USP33: variants seen among roughly 807,000 people sequenced by gnomAD.
USP33 encodes ubiquitin specific peptidase 33.
A neutral mutation model predicts 124.2 loss-of-function variants in USP33; 46 were observed. The ratio of observed to expected loss-of-function variants is 0.37; its 90% confidence interval spans 0.29 to 0.47. USP33 has a LOEUF of 0.47. USP33 is among the 20% of genes least tolerant of loss of function. The pLI is 0.99. For synonymous variants in USP33, 350 were observed against 352.3 expected (o/e 0.99, Z 0.07); for missense variants, 851 against 1,070.6 (o/e 0.79, Z 2.86).
chr1:77,737,638 GA>G (rs1252210751), intron 5 of USP33, among the ~76,000 whole-genome samples: 14 of 152,290 alleles, frequency 9.2e-5, no homozygotes, highest in African/African-American at 2.9e-4. Context: ...GAAGTTGAAT[GA>G]AATTAAGTTT....
At chr1:77,703,549 G>A (rs1324788067) in intron 21 of USP33, among the ~76,000 whole-genome samples, 4 of 152,100 alleles carry the variant, frequency 2.6e-5, no homozygotes, top group African/African-American at 4.8e-5. Flanking sequence ...ACTTGAACCC[G>A]GGACGAGAAG....
chr1:77,698,531 G>A (rs376917431), intron 22 of USP33, among the ~76,000 whole-genome samples: 13 of 139,366 alleles, frequency 9.3e-5, no homozygotes, highest in African/African-American at 2.7e-4. Flanking sequence ...ACGGAGTCTC[G>A]CTCTGTTGCC....
intron 20 of USP33, among the ~76,000 whole-genome samples, chr1:77,712,413 A>T (rs1675361364): frequency 6.6e-6 from 1 of 152,138 alleles, no homozygotes; most frequent in Non-Finnish European, 1.5e-5. Flanking sequence ...AATCCCAGGT[A>T]CTTGGGAGGG....
chr1:77,696,173 C>T lies in USP33; in HGVS notation c.*1144G>A, dbSNP rs1673428288. On this transcript the variant is annotated 3_prime_UTR_variant, in exon 24 of 24. Transcript: ENST00000370794. ...TTACATAATCAAGCAAATAGCAGTG[C>T]ATACTATATTATTCAAAAAGACTTT... 6.6e-6 allele frequency: 1 copy of T among 152,168 alleles called. No individual in the cohort carries two copies. The highest frequency in any genetic ancestry group is 2.4e-5 in the African/African-American group (1 of 41,432). 9.4% of individuals were successfully genotyped at this position (152,168 alleles called of 1,614,324 possible).
chr1:77,705,076 T>G (rs1674461068), intron 21 of USP33, among the ~76,000 whole-genome samples: 1 of 148,162 alleles, frequency 6.7e-6, no homozygotes, highest in South Asian at 2.3e-4. Flanking sequence ...GCACCTATTT[T>G]TATATTCCAG....
At chr1:77,750,568 G>C (rs757466355) in intron 1 of USP33, among the ~76,000 whole-genome samples, 1 of 150,618 alleles carries the variant, frequency 6.6e-6, no homozygotes, top group Non-Finnish European at 1.5e-5. Context: ...GTTGCAGTGA[G>C]CCAAGATTGC....
chr1:77,727,411 T>TTG (rs1180926998), intron 10 of USP33, among the ~76,000 whole-genome samples: 1 of 152,226 alleles, frequency 6.6e-6, no homozygotes, highest in African/African-American at 2.4e-5. Flanking sequence ...AGTCTTTCAA[T>TTG]ACTGATACCT....
rs1553201896 is a variant in USP33, at chr1:77,750,663, A to AGAAAGAAAG, written c.-51-8924_-51-8916dup. Among the ~76,000 whole-genome samples the AGAAAGAAAG allele has an allele frequency of 3.9e-3, 591 of 150,280 alleles. 3 individuals carry two copies. Among genetic ancestry groups the AGAAAGAAAG allele is most frequent in the East Asian group, 0.017 (83 of 5,004 alleles). On this transcript the variant is annotated intron_variant, in intron 1 of 23. Coordinates refer to ENST00000370794, the MANE Select transcript of USP33 (RefSeq NM_201624.3). ...AAGAAAGAAAGAAAGAAAGAAAGAA[A>AGAAAGAAAG]GAAAGAAAGAAAGAAAGAAAGAAAA... is the stretch of plus-strand genomic sequence containing the variant.
intron 21 of USP33, among the ~76,000 whole-genome samples, chr1:77,709,858 C>G (rs933393843): frequency 6.8e-6 from 1 of 147,472 alleles, no homozygotes; most frequent in African/African-American, 2.5e-5. Flanking sequence ...TAAGAAATAT[C>G]AAGTTTCTAT....
chr1:77,696,998 C>T lies in USP33; in HGVS notation c.*319G>A. The T allele has an allele frequency of 6.1e-6, 1 of 165,030 alleles. No individual in the cohort carries two copies. Among genetic ancestry groups the T allele is most frequent in the Non-Finnish European group, 1.3e-5 (1 of 76,922 alleles). 10.2% of individuals were successfully genotyped at this position (165,030 alleles called of 1,614,324 possible). On this transcript the variant is annotated 3_prime_UTR_variant, in exon 24 of 24. Transcript: ENST00000370794. ...TCGAGAGGCTGAGGCAGGAGAATCGCTTGAACCCAGGAGGTGGAGGCTGCA... is the reference window on the plus strand; with the variant it reads ...TCGAGAGGCTGAGGCAGGAGAATCGTTTGAACCCAGGAGGTGGAGGCTGCA...
intron 2 of USP33, 53 bp from the exon 3 acceptor site, chr1:77,741,482 C>T: frequency 2.6e-6 from 4 of 1,566,302 alleles, no homozygotes; most frequent in Non-Finnish European, 3.5e-6. Flanking sequence ...CAAACACATA[C>T]AATTCACTAA....
At chr1:77,742,508 A>G (rs1393797906) in intron 1 of USP33, among the ~76,000 whole-genome samples, 1 of 152,168 alleles carries the variant, frequency 6.6e-6, no homozygotes, top group African/African-American at 2.4e-5. Flanking sequence ...CATGATCTTT[A>G]CAACCCCTGA....
chr1:77,710,059 G>GT (rs1258260733), intron 21 of USP33, among the ~76,000 whole-genome samples: 11 of 152,052 alleles, frequency 7.2e-5, no homozygotes, highest in Admixed American at 7.2e-4. Context: ...CTCATTACAC[G>GT]TATGTCTTGA....
chr1:77,697,546 C>T, intron 23 of USP33, 72 bp from the exon 24 acceptor site: 2 of 1,474,186 alleles, frequency 1.4e-6, no homozygotes, highest in Non-Finnish European at 1.8e-6. Flanking sequence ...CATAATGTAC[C>T]CCCCAGCATG....
chr1:77,698,500 G>GTTTT (rs796138788), intron 22 of USP33, among the ~76,000 whole-genome samples: 2 of 116,398 alleles, frequency 1.7e-5, no homozygotes, highest in African/African-American at 3.1e-5. Context: ...GAAATGTTTT[G>GTTTT]TTTTTTTTTT....
At chr1:77,720,549 T>C in intron 15 of USP33, 3 of 985,442 alleles carry the variant, frequency 3.0e-6, no homozygotes, top group Non-Finnish European at 3.6e-6. Flanking sequence ...ACTAGAAGTC[T>C]GTATTATCCC....
chr1:77,742,148 GAGTTGAAAAAAAAAAACTTCAAGT>G (rs1234462175), intron 1 of USP33, among the ~76,000 whole-genome samples: 12 of 151,224 alleles, frequency 7.9e-5, no homozygotes, highest in Non-Finnish European at 1.2e-4. Context: ...GCTGGACTAG[GAGTTGAAAAAAAAAAACTTCAAGT>G]AGAAAGCTTC....
chr1:77,752,903 C>T (rs1005466898), intron 1 of USP33, among the ~76,000 whole-genome samples: 5 of 151,696 alleles, frequency 3.3e-5, no homozygotes, highest in African/African-American at 1.2e-4. Flanking sequence ...CATGGTGAAA[C>T]CCTGTCTCTA....
chr1:77,698,887 A>G (rs1449659096), intron 22 of USP33, among the ~76,000 whole-genome samples: 1 of 152,218 alleles, frequency 6.6e-6, no homozygotes, highest in Non-Finnish European at 1.5e-5. Flanking sequence ...TTGTAATTTG[A>G]AAGAAATTAT....
Sources: gnomAD v4.1 joint callset for allele counts (sites outside exome capture counted in the v4.1 genomes callset) on GRCh38, gnomAD v4.1.1 for gene constraint, MANE v1.5 for transcripts, NCBI Gene and HGNC (gene_info 2026-07-23, HGNC 2026-07-21) for gene names.